The following MAP2K4 variants were observed in gnomAD, a reference collection of about 807,000 sequenced individuals.
MAP2K4 encodes mitogen-activated protein kinase kinase 4, also known as dual specificity mitogen-activated protein kinase kinase 4.
A neutral mutation model predicts 48.5 loss-of-function variants in MAP2K4; 4 were observed. The observed-to-expected ratio is 0.08, with a 90% CI of 0.04 to 0.19. The LOEUF is 0.19. Among genes scored for constraint, MAP2K4 ranks in the 10% least tolerant of loss-of-function variants. The probability of loss-of-function intolerance (pLI) is 1.00; values close to 1 mark genes in which losing one functional copy is unlikely to be tolerated. For missense variants in MAP2K4, 258 were observed against 493.3 expected, an observed-to-expected ratio of 0.52 and a Z score of 4.52; for synonymous variants, 166 against 173.1, an observed-to-expected ratio of 0.96 and a Z score of 0.32.
intron 2 of MAP2K4, among the ~76,000 whole-genome samples, chr17:12,064,216 G>T (rs1970543112): frequency 6.6e-6 from 1 of 152,012 alleles, no homozygotes; most frequent in South Asian, 2.1e-4. Flanking sequence ...CAGAGTACCT[G>T]GGACTACAGG....
intron 2 of MAP2K4, among the ~76,000 whole-genome samples, chr17:12,061,099 T>C (rs1024916830): frequency 6.6e-6 from 1 of 152,220 alleles, no homozygotes; most frequent in African/African-American, 2.4e-5. Context: ...CTTATCTCAT[T>C]CAAAATAATG....
At chr17:12,051,259 T>C (rs1425829480) in intron 1 of MAP2K4, among the ~76,000 whole-genome samples, 2 of 152,126 alleles carry the variant, frequency 1.3e-5, no homozygotes, top group Non-Finnish European at 2.9e-5. Flanking sequence ...TGAGGACAGG[T>C]ACTGTTCCTA....
At chr17:12,119,193 C>G (rs372000077) in intron 7 of MAP2K4, among the ~76,000 whole-genome samples, 1 of 152,130 alleles carries the variant, frequency 6.6e-6, no homozygotes, top group Non-Finnish European at 1.5e-5. Flanking sequence ...AAGAAACTAT[C>G]AACAGAGTAA....
chr17:12,090,602 C>T (rs1031480931), intron 3 of MAP2K4, among the ~76,000 whole-genome samples: 6 of 152,152 alleles, frequency 3.9e-5, no homozygotes, highest in Admixed American at 3.9e-4. Context: ...CCTAACCTTA[C>T]CCCTTAATAG....
chr17:12,137,955 T>C (rs1451456992), intron 9 of MAP2K4, among the ~76,000 whole-genome samples: 6 of 152,156 alleles, frequency 3.9e-5, no homozygotes, highest in African/African-American at 1.4e-4. Flanking sequence ...ATTTATGTAT[T>C]GAAGCAAAAT....
intron 9 of MAP2K4, among the ~76,000 whole-genome samples, chr17:12,135,492 G>A (rs940530511): frequency 3.3e-5 from 5 of 152,256 alleles, no homozygotes; most frequent in South Asian, 4.1e-4. Context: ...TCGGCTTCCC[G>A]GAGTATTGGG....
chr17:12,069,719 C>A, intron 2 of MAP2K4: 1 of 1,062,130 alleles, frequency 9.4e-7, no homozygotes, highest in Non-Finnish European at 1.1e-6. Context: ...TCCATGGTAA[C>A]TGACAGACCG....
At chr17:12,054,205 G>C (rs530058113) in intron 1 of MAP2K4, among the ~76,000 whole-genome samples, 8 of 152,092 alleles carry the variant, frequency 5.3e-5, no homozygotes, top group Non-Finnish European at 1.2e-4. Flanking sequence ...TGAGATACTT[G>C]GATTGATAAG....
chr17:12,135,812 A>G (rs1199339175), intron 9 of MAP2K4, among the ~76,000 whole-genome samples: 1 of 152,186 alleles, frequency 6.6e-6, no homozygotes, highest in Non-Finnish European at 1.5e-5. Flanking sequence ...AGCCTCCCAA[A>G]GTTCTGGCAT....
chr17:12,043,817 AG>A (rs1969872501), intron 1 of MAP2K4, among the ~76,000 whole-genome samples: 9 of 152,004 alleles, frequency 5.9e-5, no homozygotes, highest in Admixed American at 5.9e-4. Context: ...CCCTATTGTT[AG>A]GGGTTTTTAT....
At chr17:12,074,838 G>T (rs1009256705) in intron 2 of MAP2K4, among the ~76,000 whole-genome samples, 1 of 152,180 alleles carries the variant, frequency 6.6e-6, no homozygotes, top group Non-Finnish European at 1.5e-5. Context: ...GCAGTAAGCT[G>T]GGGACACTTG....
At chr17:12,066,709 A>T (rs1970626814) in intron 2 of MAP2K4, among the ~76,000 whole-genome samples, 1 of 150,488 alleles carries the variant, frequency 6.6e-6, no homozygotes, top group African/African-American at 2.4e-5. Flanking sequence ...TTTTTTTTTG[A>T]GACGGAGTCT....
intron 2 of MAP2K4, among the ~76,000 whole-genome samples, chr17:12,055,918 A>G (rs953948124): frequency 1.3e-5 from 2 of 152,060 alleles, no homozygotes; most frequent in Non-Finnish European, 2.9e-5. Flanking sequence ...TCAATTGTCT[A>G]TTAATTTTAT....
chr17:12,023,824 G>A (rs1193281203), intron 1 of MAP2K4, among the ~76,000 whole-genome samples: 2 of 152,186 alleles, frequency 1.3e-5, no homozygotes, highest in African/African-American at 2.4e-5. Flanking sequence ...GCCTTTCGAA[G>A]CCTCAGTTTC....
chr17:12,067,814 A>G (rs1284337263), intron 2 of MAP2K4, among the ~76,000 whole-genome samples: 1 of 152,192 alleles, frequency 6.6e-6, no homozygotes, highest in Non-Finnish European at 1.5e-5. Context: ...TAGGTATTTC[A>G]TGTTGAAAAA....
At chr17:12,021,191 G>A (rs984258446) in intron 1 of MAP2K4, 190 bp downstream of exon 1, 4 of 340,190 alleles carry the variant, frequency 1.2e-5, no homozygotes, top group South Asian at 3.0e-4. Flanking sequence ...CCGGGCTCCG[G>A]CCCGCATAGG....
intron 1 of MAP2K4, among the ~76,000 whole-genome samples, chr17:12,035,697 T>G (rs1247832705): frequency 2.0e-5 from 3 of 152,198 alleles, no homozygotes; most frequent in African/African-American, 7.2e-5. Flanking sequence ...AAAAGAATTA[T>G]GTATCATACA....
intron 3 of MAP2K4, among the ~76,000 whole-genome samples, chr17:12,084,528 G>A (rs1267854450): frequency 6.6e-6 from 1 of 152,100 alleles, no homozygotes; most frequent in Non-Finnish European, 1.5e-5. Flanking sequence ...ACTCTTACCA[G>A]GGATTTACTT....
At chr17:12,023,368 T>C (rs565729632) in intron 1 of MAP2K4, among the ~76,000 whole-genome samples, 69 of 152,296 alleles carry the variant, frequency 4.5e-4, no homozygotes, top group African/African-American at 1.5e-3. Context: ...TCCAATTGTA[T>C]GGGAGTCACA....
Sources: allele counts gnomAD v4.1 joint callset (sites outside exome capture counted in the v4.1 genomes callset), GRCh38; gene constraint gnomAD v4.1.1; transcripts MANE v1.5; gene names NCBI Gene and HGNC (gene_info 2026-07-23, HGNC 2026-07-21).